Variants in RBFOX1 observed in about 807,000 individuals in gnomAD.
The protein encoded by RBFOX1 is RNA binding fox-1 homolog 1.
Under a neutral mutation model 57.7 loss-of-function variants are expected in RBFOX1, and 8 were observed. That is an observed-to-expected ratio of 0.14 (90% CI 0.08 to 0.25). RBFOX1 has a LOEUF of 0.25. Ranked by LOEUF, RBFOX1 falls within the 10% of genes least tolerant of loss-of-function variation. The pLI, the probability that RBFOX1 is intolerant of heterozygous loss-of-function variation, is 1.00. For missense variants in RBFOX1, 611 were observed against 548.5 expected (o/e 1.11, Z -1.14); for synonymous variants, 326 against 222.4 (o/e 1.47, Z -4.15).
chr16:5,368,052 G>C (rs9888960), intron 1 of RBFOX1, among the ~76,000 whole-genome samples: 6 of 152,174 alleles, frequency 3.9e-5, no homozygotes, highest in African/African-American at 1.4e-4. Flanking sequence ...TAGTTGGAGA[G>C]ACCCACATGA....
intron 1 of RBFOX1, among the ~76,000 whole-genome samples, chr16:6,035,919 C>T (rs917609055): frequency 6.6e-6 from 1 of 152,210 alleles, no homozygotes; most frequent in Non-Finnish European, 1.5e-5. Context: ...AATGTCTATT[C>T]TTAAAGCATT....
At chr16:6,215,758 G>C (rs900726771) in intron 1 of RBFOX1, among the ~76,000 whole-genome samples, 1 of 152,110 alleles carries the variant, frequency 6.6e-6, no homozygotes, top group Non-Finnish European at 1.5e-5. Context: ...CTCTTCGAAA[G>C]CAAGTATTCT....
intron 3 of RBFOX1, among the ~76,000 whole-genome samples, chr16:6,737,464 C>T (rs2070711995): frequency 6.6e-6 from 1 of 152,174 alleles, no homozygotes; most frequent in African/African-American, 2.4e-5. Context: ...AAAGAACAGA[C>T]ATGTTACTCC....
chr16:7,451,172 G>A (rs1343935704), intron 4 of RBFOX1, among the ~76,000 whole-genome samples: 2 of 152,204 alleles, frequency 1.3e-5, no homozygotes, highest in East Asian at 1.9e-4. Flanking sequence ...AGGTTGTGCA[G>A]TCTGGGTGAG....
intron 2 of RBFOX1, among the ~76,000 whole-genome samples, chr16:6,520,638 C>T (rs1348788402): frequency 6.6e-6 from 1 of 152,254 alleles, no homozygotes; most frequent in East Asian, 1.9e-4. Context: ...GGGCTGAAGA[C>T]TATCTTTGAA....
At chr16:5,404,201 C>G (rs997206588) in intron 1 of RBFOX1, among the ~76,000 whole-genome samples, 2 of 152,122 alleles carry the variant, frequency 1.3e-5, no homozygotes, top group East Asian at 1.9e-4. Context: ...TACAATGTAC[C>G]TTATTTAGGT....
intron 2 of RBFOX1, among the ~76,000 whole-genome samples, chr16:6,364,341 C>T (rs2089186072): frequency 6.6e-6 from 1 of 152,212 alleles, no homozygotes; most frequent in Non-Finnish European, 1.5e-5. Flanking sequence ...CTTCTTCCCT[C>T]ATTTCCTCTC....
intron 2 of RBFOX1, among the ~76,000 whole-genome samples, chr16:6,652,578 C>G (rs79467572): frequency 0.045 from 6,774 of 152,130 alleles, 428 homozygotes; most frequent in Admixed American, 0.15. Context: ...ACCAGGAACC[C>G]TGAGAGAGCC....
At chr16:7,403,929 C>G (rs2098288514) in intron 4 of RBFOX1, among the ~76,000 whole-genome samples, 1 of 149,166 alleles carries the variant, frequency 6.7e-6, no homozygotes, top group Non-Finnish European at 1.5e-5. Flanking sequence ...ATATATATAA[C>G]CTTTTTAATT....
intron 7 of RBFOX1, among the ~76,000 whole-genome samples, chr16:7,589,324 T>C (rs565043233): frequency 1.3e-5 from 2 of 152,342 alleles, no homozygotes; most frequent in South Asian, 4.1e-4. Flanking sequence ...TAATTCCTTC[T>C]GAGAGCTGTT....
chr16:5,575,923 G>C (rs1032473126), intron 2 of RBFOX1, among the ~76,000 whole-genome samples: 1 of 151,540 alleles, frequency 6.6e-6, no homozygotes, highest in Non-Finnish European at 1.5e-5. Context: ...TTTGCACTTA[G>C]AAGTGAAGAC....
intron 3 of RBFOX1, among the ~76,000 whole-genome samples, chr16:5,664,740 G>C (rs145247431): frequency 6.6e-6 from 1 of 152,092 alleles, no homozygotes; most frequent in African/African-American, 2.4e-5. Flanking sequence ...TGGTCCACAC[G>C]GTCCTAATTC....
chr16:6,801,848 G>C (rs1445251774), intron 3 of RBFOX1, among the ~76,000 whole-genome samples: 1 of 152,106 alleles, frequency 6.6e-6, no homozygotes, highest in Non-Finnish European at 1.5e-5. Flanking sequence ...ACATGTAAGT[G>C]TGCATTCATC....
intron 3 of RBFOX1, among the ~76,000 whole-genome samples, chr16:6,846,850 C>T (rs1309590509): frequency 6.6e-6 from 1 of 151,460 alleles, no homozygotes; most frequent in East Asian, 1.9e-4. Context: ...GGATGGCATG[C>T]TCATAAGTTC....
At chr16:5,749,377 G>A (rs913466077) in intron 3 of RBFOX1, among the ~76,000 whole-genome samples, 2 of 152,038 alleles carry the variant, frequency 1.3e-5, no homozygotes, top group African/African-American at 4.8e-5. Context: ...TATCTTTGTG[G>A]CATTCTCTGT....
chr16:6,886,425 G>A (rs184928739), intron 3 of RBFOX1, among the ~76,000 whole-genome samples: 31 of 151,964 alleles, frequency 2.0e-4, no homozygotes, highest in Middle Eastern at 3.4e-3. Context: ...ATTTTGTCCC[G>A]CTATTGATTG....
intron 3 of RBFOX1, among the ~76,000 whole-genome samples, chr16:6,716,635 T>C (rs2064881120): frequency 1.3e-5 from 2 of 152,212 alleles, no homozygotes. Context: ...ACACTCCCCT[T>C]GGACCCCAGG....
At chr16:7,062,179 C>T (rs1486579373) in intron 4 of RBFOX1, among the ~76,000 whole-genome samples, 3 of 151,504 alleles carry the variant, frequency 2.0e-5, no homozygotes, top group Non-Finnish European at 2.9e-5. Flanking sequence ...ATTAGCTGGG[C>T]ATGGTGGCGG....
At chr16:6,823,995 C>T (rs193252433) in intron 3 of RBFOX1, among the ~76,000 whole-genome samples, 289 of 152,230 alleles carry the variant, frequency 1.9e-3, no homozygotes, top group Middle Eastern at 0.01. Context: ...ATGAGCTGGC[C>T]CCATGAATGA....
Sources: gnomAD v4.1 joint callset for allele counts (sites outside exome capture counted in the v4.1 genomes callset) on GRCh38, gnomAD v4.1.1 for gene constraint, MANE v1.5 for transcripts, NCBI Gene and HGNC (gene_info 2026-07-23, HGNC 2026-07-21) for gene names.